RPGRIP1L: variants seen among roughly 807,000 people sequenced by gnomAD.
RPGRIP1L encodes the protein protein fantom.
Under a neutral mutation model 160.4 loss-of-function variants are expected in RPGRIP1L, and 131 were observed. The observed-to-expected ratio is 0.82, with a 90% CI of 0.71 to 0.94. RPGRIP1L has a LOEUF of 0.94. RPGRIP1L is among the 40% of genes least tolerant of loss of function. The pLI is 0.00. For missense variants in RPGRIP1L, 1,522 were observed against 1,535.8 expected (o/e 0.99, Z 0.15); for synonymous variants, 510 against 515.8 (o/e 0.99, Z 0.15).
intron 25 of RPGRIP1L, 72 bp from the exon 26 acceptor site, chr16:53,605,686 G>A (rs1048874444): frequency 1.1e-5 from 16 of 1,499,500 alleles, no homozygotes; most frequent in African/African-American, 4.1e-5. Context: ...ACTCCCAAAT[G>A]GGGTGTTATC....
chr16:53,657,925 T>G (rs1198896460), intron 12 of RPGRIP1L, among the ~76,000 whole-genome samples: 1 of 152,138 alleles, frequency 6.6e-6, no homozygotes, highest in African/African-American at 2.4e-5. Flanking sequence ...GTACATTTAT[T>G]TTTATTTCAT....
At chr16:53,659,338 A>T in intron 10 of RPGRIP1L, 1 of 271,538 alleles carries the variant, frequency 3.7e-6, no homozygotes, top group South Asian at 1.1e-4. Context: ...TAATTTCCAG[A>T]ACATGGTAGG....
At chr16:53,681,175 G>A (rs1969577010) in intron 6 of RPGRIP1L, among the ~76,000 whole-genome samples, 2 of 152,318 alleles carry the variant, frequency 1.3e-5, no homozygotes, top group African/African-American at 4.8e-5. Context: ...ACAGTCGGCT[G>A]TCCGCCAAAG....
Position 53,669,943 on chromosome 16 carries a change from C to A in RPGRIP1L, c.1103+1567G>T, listed in dbSNP as rs563198200. ...CAATGCTGTGTGACTCTGCACAAGT[C>A]TTAATTTTTCTGGAATCCCAATTTC... On this transcript the variant is annotated intron_variant, in intron 9 of 26. Coordinates refer to ENST00000647211, the MANE Select transcript of RPGRIP1L (RefSeq NM_015272.5). Among the ~76,000 whole-genome samples the A allele has an allele frequency of 1.2e-3, 190 of 152,232 alleles. 1 individual carries two copies. The highest frequency in any genetic ancestry group is 4.2e-3 in the African/African-American group (176 of 41,574).
Position 53,637,812 on chromosome 16 carries a change from C to T in RPGRIP1L, c.3103G>A (p.Glu1035Lys), listed in dbSNP as rs770051696. Residue 1035 changes from glutamate to lysine, a missense_variant, in exon 21 of 27, where the codon GAG (glutamate) becomes AAG (lysine). Transcript: ENST00000647211. ...TCATCTTTTCCTTGCTGCATTTTCT[C>T]AGTATTCTCTTTTACCTCATCTACA... Reference protein sequence around the residue: ...GSVDEVKENTEKMQQGKDDVS... With the variant: ...GSVDEVKENTKKMQQGKDDVS... 6.2e-7 allele frequency: 1 copy of T among 1,604,262 alleles called. No homozygotes were observed. Among genetic ancestry groups the T allele is most frequent in the South Asian group, 1.1e-5 (1 of 89,890 alleles).
intron 2 of RPGRIP1L, among the ~76,000 whole-genome samples, chr16:53,698,251 G>A (rs1318102224): frequency 1.1e-4 from 17 of 150,540 alleles, no homozygotes; most frequent in South Asian, 6.2e-4. Context: ...CCCGGCAGCC[G>A]ACCCGTCCGG....
intron 6 of RPGRIP1L, among the ~76,000 whole-genome samples, chr16:53,676,021 A>G (rs1969127831): frequency 6.6e-6 from 1 of 152,208 alleles, no homozygotes; most frequent in South Asian, 2.1e-4. Flanking sequence ...TCAGAGTTCA[A>G]TATTTAAAGT....
intron 25 of RPGRIP1L, 95 bp downstream of exon 25, chr16:53,610,872 G>A (rs143434089): frequency 9.0e-6 from 9 of 1,004,740 alleles, no homozygotes; most frequent in Middle Eastern, 2.0e-4. Context: ...CCCGATGTTC[G>A]GCTTCCTCAT....
intron 2 of RPGRIP1L, among the ~76,000 whole-genome samples, chr16:53,698,154 C>T (rs1400885295): frequency 6.6e-6 from 1 of 150,564 alleles, no homozygotes; most frequent in African/African-American, 2.5e-5. Flanking sequence ...AGTGAGGAGC[C>T]CCTCCGCCCG....
intron 22 of RPGRIP1L, among the ~76,000 whole-genome samples, chr16:53,624,975 A>G (rs12445196): frequency 0.055 from 8,443 of 152,216 alleles, 428 homozygotes; most frequent in East Asian, 0.31. Context: ...CGTGTTGGCC[A>G]GGCTGGTATC....
Position 53,636,941 on chromosome 16 carries a change from GACACACACACACACAC to G in RPGRIP1L, c.3221-445_3221-430del, listed in dbSNP as rs34373919. Reference sequence around the variant, plus strand: ...TACACACAATTAAACTGCAATATTTGACACACACACACACACACACACACACACACACACACACACA... The same window carrying G: ...TACACACAATTAAACTGCAATATTTGACACACACACACACACACACACACA... On this transcript the variant is annotated intron_variant, in intron 21 of 26. Coordinates refer to ENST00000647211, the MANE Select transcript of RPGRIP1L (RefSeq NM_015272.5). Among the ~76,000 whole-genome samples the G allele has an allele frequency of 2.7e-3, 385 of 142,226 alleles. 1 individual carries two copies. Among genetic ancestry groups the G allele is most frequent in the African/African-American group, 5.7e-3 (221 of 39,016 alleles). 93.3% of individuals were successfully genotyped at this position (142,226 alleles called of 152,430 possible).
intron 18 of RPGRIP1L, 45 bp downstream of exon 18, chr16:53,641,240 C>A (rs2151058304): frequency 6.3e-7 from 1 of 1,583,000 alleles, no homozygotes; most frequent in Non-Finnish European, 8.6e-7. Flanking sequence ...GCTTTATATT[C>A]AAAATTTTAT....
At chr16:53,665,131 A>G in intron 9 of RPGRIP1L, 122 bp from the exon 10 acceptor site, 1 of 1,235,088 alleles carries the variant, frequency 8.1e-7, no homozygotes, top group Non-Finnish European at 1.1e-6. Flanking sequence ...TTAAGTAAAC[A>G]TATGCTGGTC....
rs538306358 is a variant in RPGRIP1L at position 53,605,602 on chromosome 16, G to A, written c.3714C>T (p.Thr1238=). ...CGTCCTCTGGAGGGTCACTGACCACGGTGAAGCGAAGGCTGGTAAGGCAGA... is the reference window on the plus strand; with the variant it reads ...CGTCCTCTGGAGGGTCACTGACCACAGTGAAGCGAAGGCTGGTAAGGCAGA... The part of the protein sequence containing the change: ...QEMPNRSLRF[T]VVSDPPEDEQ... The change falls in exon 26 of 27, where the codon ACC becomes ACT. Residue 1238 remains threonine, a synonymous_variant. Coordinates refer to ENST00000647211, the MANE Select transcript of RPGRIP1L (RefSeq NM_015272.5). 15 of 1,614,076 alleles carry A rather than the reference G, an allele frequency of 9.3e-6. No homozygotes were observed. The highest frequency in any genetic ancestry group is 4.5e-5 in the East Asian group (2 of 44,882).
At chr16:53,644,069 C>CT (rs1966404115) in intron 17 of RPGRIP1L, among the ~76,000 whole-genome samples, 1 of 152,060 alleles carries the variant, frequency 6.6e-6, no homozygotes. Context: ...TAGCATGTGC[C>CT]TGTAGTTTTA....
intron 13 of RPGRIP1L, among the ~76,000 whole-genome samples, 180 bp downstream of exon 13, chr16:53,657,273 G>A (rs1345754848): frequency 6.6e-6 from 1 of 151,748 alleles, no homozygotes; most frequent in Non-Finnish European, 1.5e-5. Flanking sequence ...CACATTATTT[G>A]TTTTAAAACT....
rs1319040811 is a variant in RPGRIP1L at position 53,656,599 on chromosome 16, A to G, written c.1582-10T>C. The G allele has an allele frequency of 6.5e-7, 1 of 1,548,938 alleles. No homozygotes were observed. The highest frequency in any genetic ancestry group is 8.9e-7 in the Non-Finnish European group (1 of 1,120,620). On this transcript the variant is annotated splice_polypyrimidine_tract_variant and intron_variant, in intron 13 of 26. Coordinates refer to ENST00000647211, the MANE Select transcript of RPGRIP1L (RefSeq NM_015272.5). ...CTGCCTCAACCTCCATCTACAAAAT[A>G]AGGGAAAATAAGTTTTAATACTTAT...
At chr16:53,619,314 T>A (rs1964570523) in intron 23 of RPGRIP1L, 106 bp from the exon 24 acceptor site, 1 of 972,290 alleles carries the variant, frequency 1.0e-6, no homozygotes, top group African/African-American at 1.6e-5. Context: ...CGAAGGCCAA[T>A]GGGCTTCTTT....
intron 7 of RPGRIP1L, 117 bp downstream of exon 7, chr16:53,674,900 T>C: frequency 1.5e-6 from 1 of 682,462 alleles, no homozygotes; most frequent in Non-Finnish European, 2.6e-6. Context: ...CAAAGAACAA[T>C]CCTTCAAAAT....
Sources: gnomAD v4.1 joint callset for allele counts (sites outside exome capture counted in the v4.1 genomes callset) on GRCh38, gnomAD v4.1.1 for gene constraint, MANE v1.5 for transcripts, NCBI Gene and HGNC (gene_info 2026-07-23, HGNC 2026-07-21) for gene names.